Variants in PTPRD observed in about 807,000 individuals in gnomAD.
PTPRD encodes receptor-type tyrosine-protein phosphatase delta.
In PTPRD, 34 loss-of-function variants were observed where a neutral mutation model predicts 214.5. That is an observed-to-expected ratio of 0.16 (90% CI 0.12 to 0.21). The LOEUF is 0.21. Among genes scored for constraint, PTPRD ranks in the 10% least tolerant of loss-of-function variants. The probability of loss-of-function intolerance (pLI) is 1.00; values close to 1 mark genes in which losing one functional copy is unlikely to be tolerated. For missense variants in PTPRD, 2,545 were observed against 2,398.7 expected, an observed-to-expected ratio of 1.06 and a Z score of -1.27; for synonymous variants, 1,128 against 845.7, an observed-to-expected ratio of 1.33 and a Z score of -5.79.
chr9:10,188,901 G>C (rs1310263541), intron 3 of PTPRD, among the ~76,000 whole-genome samples: 1 of 152,132 alleles, frequency 6.6e-6, no homozygotes, highest in East Asian at 1.9e-4. Flanking sequence ...GTATGATTCT[G>C]GGGGTTGGGA....
At chr9:8,449,036 T>C (rs1034887695) in intron 34 of PTPRD, among the ~76,000 whole-genome samples, 2 of 152,176 alleles carry the variant, frequency 1.3e-5, no homozygotes, top group East Asian at 1.9e-4. Context: ...AAAAGTCAAA[T>C]AGATCTAGGC....
chr9:9,293,215 T>G (rs1413241819), intron 9 of PTPRD, among the ~76,000 whole-genome samples: 1 of 151,566 alleles, frequency 6.6e-6, no homozygotes, highest in African/African-American at 2.4e-5. Context: ...CTCAATTCAT[T>G]TACCTATTTA....
At chr9:9,404,328 A>G (rs779692018) in intron 8 of PTPRD, among the ~76,000 whole-genome samples, 6 of 152,142 alleles carry the variant, frequency 3.9e-5, no homozygotes, top group African/African-American at 1.4e-4. Flanking sequence ...GAACCTTTCC[A>G]GGCAAGAGCT....
intron 9 of PTPRD, among the ~76,000 whole-genome samples, chr9:9,284,801 A>C (rs1948845150): frequency 6.6e-6 from 1 of 151,734 alleles, no homozygotes. Flanking sequence ...ACTTAACCTT[A>C]ACCTTTCCCA....
At chr9:8,799,492 T>A (rs2096527370) in intron 11 of PTPRD, among the ~76,000 whole-genome samples, 1 of 152,204 alleles carries the variant, frequency 6.6e-6, no homozygotes, top group African/African-American at 2.4e-5. Flanking sequence ...AGAAAAGGAA[T>A]GCATTTGGTT....
chr9:10,535,584 C>T (rs1566797202), intron 2 of PTPRD, among the ~76,000 whole-genome samples: 1 of 151,946 alleles, frequency 6.6e-6, no homozygotes, highest in Non-Finnish European at 1.5e-5. Flanking sequence ...GTCACCACAG[C>T]AAGAGTTTTT....
intron 9 of PTPRD, among the ~76,000 whole-genome samples, chr9:9,351,521 C>A (rs1285142954): frequency 6.6e-6 from 1 of 151,988 alleles, no homozygotes; most frequent in South Asian, 2.1e-4. Context: ...TTCACGTGAA[C>A]CTTCCTAGGT....
At chr9:9,150,043 CTAAGCAAT>C (rs1172203588) in intron 10 of PTPRD, among the ~76,000 whole-genome samples, 1 of 152,182 alleles carries the variant, frequency 6.6e-6, no homozygotes, top group Non-Finnish European at 1.5e-5. Context: ...TGCCCATCAC[CTAAGCAAT>C]TGTCACCGGA....
At chr9:9,607,315 G>A (rs964908841) in intron 7 of PTPRD, among the ~76,000 whole-genome samples, 1 of 152,074 alleles carries the variant, frequency 6.6e-6, no homozygotes, top group Non-Finnish European at 1.5e-5. Flanking sequence ...AATAATAAAC[G>A]CTTTTTAGAG....
intron 9 of PTPRD, among the ~76,000 whole-genome samples, chr9:9,289,793 C>T (rs980311832): frequency 6.6e-6 from 1 of 151,706 alleles, no homozygotes; most frequent in Non-Finnish European, 1.5e-5. Flanking sequence ...GCAGGATTTA[C>T]TTCTTCTTAA....
intron 8 of PTPRD, among the ~76,000 whole-genome samples, chr9:9,434,523 T>G (rs1207254936): frequency 6.6e-6 from 1 of 152,090 alleles, no homozygotes; most frequent in South Asian, 2.1e-4. Context: ...AAAAATAAGG[T>G]TCTGAAGTTT....
At chr9:8,469,592 T>C (rs1389164350) in intron 31 of PTPRD, among the ~76,000 whole-genome samples, 2 of 152,126 alleles carry the variant, frequency 1.3e-5, no homozygotes, top group East Asian at 1.9e-4. Context: ...GAGCAGCTGA[T>C]CATTCTGCAT....
chr9:10,249,034 C>T (rs2154368032), intron 3 of PTPRD, among the ~76,000 whole-genome samples: 2 of 152,152 alleles, frequency 1.3e-5, no homozygotes, highest in African/African-American at 2.4e-5. Flanking sequence ...TTCTCTGCTC[C>T]TTCAATTTCA....
chr9:8,695,307 T>A (rs1270749033), intron 12 of PTPRD, among the ~76,000 whole-genome samples: 1 of 152,208 alleles, frequency 6.6e-6, no homozygotes, highest in Non-Finnish European at 1.5e-5. Context: ...CATGGCCATG[T>A]TTAAGTGCAT....
intron 9 of PTPRD, among the ~76,000 whole-genome samples, chr9:9,192,477 C>T (rs1569560725): frequency 6.6e-6 from 1 of 152,064 alleles, no homozygotes; most frequent in East Asian, 1.9e-4. Context: ...TGAAGTCAGC[C>T]TGGTTTTAAT....
chr9:10,169,063 C>G (rs576865547), intron 3 of PTPRD, among the ~76,000 whole-genome samples: 2 of 152,246 alleles, frequency 1.3e-5, no homozygotes, highest in Admixed American at 6.5e-5. Context: ...ATACAGATAT[C>G]TTTCAGAATG....
At chr9:10,391,900 T>A (rs1402564969) in intron 2 of PTPRD, among the ~76,000 whole-genome samples, 1 of 151,814 alleles carries the variant, frequency 6.6e-6, no homozygotes. Flanking sequence ...GCTATATCTA[T>A]TATCAAGAGT....
intron 2 of PTPRD, among the ~76,000 whole-genome samples, chr9:10,416,745 A>C (rs1405958369): frequency 6.6e-6 from 1 of 151,816 alleles, no homozygotes; most frequent in Non-Finnish European, 1.5e-5. Context: ...TGGAGATTGC[A>C]ATGTCAAGAT....
At chr9:9,882,983 C>T (rs890478095) in intron 5 of PTPRD, among the ~76,000 whole-genome samples, 2 of 152,214 alleles carry the variant, frequency 1.3e-5, no homozygotes, top group Middle Eastern at 3.4e-3. Context: ...GTCTGGCTAT[C>T]CCTTTGCATT....
Sources: allele counts gnomAD v4.1 joint callset (sites outside exome capture counted in the v4.1 genomes callset), GRCh38; gene constraint gnomAD v4.1.1; transcripts MANE v1.5; gene names NCBI Gene and HGNC (gene_info 2026-07-23, HGNC 2026-07-21).